The following PIP5K1A variants were observed in gnomAD, a reference collection of about 807,000 sequenced individuals.
PIP5K1A encodes the protein phosphatidylinositol-4-phosphate 5-kinase type 1 alpha, also known as phosphatidylinositol 4-phosphate 5-kinase type-1 alpha.
In PIP5K1A, 46 loss-of-function variants were observed where a neutral mutation model predicts 72.9. That is an observed-to-expected ratio of 0.63 (90% CI 0.50 to 0.81). The LOEUF (loss-of-function observed/expected upper bound fraction) is 0.81. Ranked by LOEUF, PIP5K1A falls within the 30% of genes least tolerant of loss-of-function variation. PIP5K1A has a pLI of 0.00. For missense variants in PIP5K1A, 458 were observed against 706.1 expected, an observed-to-expected ratio of 0.65 and a Z score of 3.98; for synonymous variants, 228 against 255.1, an observed-to-expected ratio of 0.89 and a Z score of 1.01.
chr1:151,222,916 T>C (rs1281535347), intron 1 of PIP5K1A, among the ~76,000 whole-genome samples: 1 of 152,194 alleles, frequency 6.6e-6, no homozygotes, highest in Non-Finnish European at 1.5e-5. Context: ...CTAACTTTGC[T>C]CTTGCGTCAC....
chr1:151,239,919 G>GTCT, intron 11 of PIP5K1A, 36 bp from the exon 12 acceptor site: 2 of 855,558 alleles, frequency 2.3e-6, no homozygotes, highest in East Asian at 2.6e-5. Flanking sequence ...CTCTTGCCGG[G>GTCT]CCTCCTAACT....
intron 1 of PIP5K1A, among the ~76,000 whole-genome samples, chr1:151,203,388 G>A (rs1283393030): frequency 6.6e-6 from 1 of 151,894 alleles, no homozygotes; most frequent in African/African-American, 2.4e-5. Context: ...AATTAGCCGG[G>A]TGTGGTGGCA....
At chr1:151,202,244 T>G (rs1279602732) in intron 1 of PIP5K1A, among the ~76,000 whole-genome samples, 1 of 152,200 alleles carries the variant, frequency 6.6e-6, no homozygotes, top group Non-Finnish European at 1.5e-5. Flanking sequence ...AACATTGTCC[T>G]TTAGGATTTC....
At chr1:151,210,424 C>T (rs1173400632) in intron 1 of PIP5K1A, among the ~76,000 whole-genome samples, 4 of 151,630 alleles carry the variant, frequency 2.6e-5, no homozygotes, top group South Asian at 2.1e-4. Context: ...TGGCCTAAAG[C>T]GATCCTCCTG....
At chr1:151,202,828 G>T (rs866035380) in intron 1 of PIP5K1A, among the ~76,000 whole-genome samples, 4 of 148,518 alleles carry the variant, frequency 2.7e-5, no homozygotes, top group Non-Finnish European at 6.0e-5. Context: ...GCTGGAGTGC[G>T]GTGGAGCAAT....
chr1:151,227,507 C>A, intron 4 of PIP5K1A, 107 bp downstream of exon 4: 2 of 647,056 alleles, frequency 3.1e-6, no homozygotes, highest in Non-Finnish European at 2.7e-6. Flanking sequence ...GTTTCTTGAT[C>A]TCCTAAGCTT....
chr1:151,200,791 G>A (rs896401317), intron 1 of PIP5K1A, among the ~76,000 whole-genome samples: 7 of 151,572 alleles, frequency 4.6e-5, no homozygotes. Flanking sequence ...GCATGAAATA[G>A]GATAAAGTAA....
chr1:151,213,051 C>T lies in PIP5K1A; in HGVS notation c.86-11194C>T, dbSNP rs1008223775. On this transcript the variant is annotated intron_variant, in intron 1 of 15. Coordinates refer to ENST00000368888, the MANE Select transcript of PIP5K1A (RefSeq NM_001135638.2). ...AACTACAGGCGCCCGCCACCACGCC[C>T]GGCTATTTTATTTTTTATTTTTAGT... Among the ~76,000 whole-genome samples the T allele has an allele frequency of 1.3e-4, 20 of 151,810 alleles. No homozygotes were observed. In the East Asian group the frequency reaches 2.3e-3, roughly 18 times the overall value.
At chr1:151,204,208 C>T (rs753528901) in intron 1 of PIP5K1A, among the ~76,000 whole-genome samples, 8 of 152,110 alleles carry the variant, frequency 5.3e-5, no homozygotes, top group Non-Finnish European at 1.0e-4. Flanking sequence ...TGGAGTTTCG[C>T]TCTTGTTGCC....
intron 10 of PIP5K1A, 97 bp downstream of exon 10, chr1:151,238,362 G>A: frequency 1.2e-6 from 1 of 820,214 alleles, no homozygotes; most frequent in Non-Finnish European, 2.1e-6. Context: ...TCTTCCGGAA[G>A]CAAGAACAGT....
chr1:151,239,276 C>CTTTTTTCT, intron 11 of PIP5K1A, 98 bp downstream of exon 11: 3 of 606,474 alleles, frequency 4.9e-6, no homozygotes, highest in South Asian at 2.1e-5. Context: ...TTTCTTTTTT[C>CTTTTTTCT]TTTTTTTTTT....
intron 1 of PIP5K1A, among the ~76,000 whole-genome samples, chr1:151,204,180 A>G (rs1423678183): frequency 6.6e-6 from 1 of 151,872 alleles, no homozygotes; most frequent in Non-Finnish European, 1.5e-5. Context: ...GTTGATATAT[A>G]TATATATTTT....
chr1:151,247,827 A>G (rs778616118), intron 15 of PIP5K1A, 36 bp from the exon 16 acceptor site: 4 of 1,568,652 alleles, frequency 2.5e-6, no homozygotes, highest in Non-Finnish European at 3.5e-6. Flanking sequence ...TTAATCTCAT[A>G]CTCCACATCC....
At position 151,198,906 on chromosome 1, in the gene PIP5K1A, T is replaced by C. The variant is rs193234971; in HGVS notation, c.-91T>C. ...GAGGTGGCCCACAGAACGCGGGTTC[T>C]GTAAAGAGACGTTGGGAAGATTCGA... On this transcript the variant is annotated 5_prime_UTR_variant, in exon 1 of 16. Transcript: ENST00000368888. The C allele has an allele frequency of 3.6e-5, 47 of 1,298,984 alleles. No individual in the cohort carries two copies. In the East Asian group the frequency reaches 1.1e-3, roughly 30 times the overall value. 80.5% of individuals were successfully genotyped at this position (1,298,984 alleles called of 1,614,324 possible).
chr1:151,247,806 TC>T, intron 15 of PIP5K1A, 56 bp from the exon 16 acceptor site: 1 of 1,440,596 alleles, frequency 6.9e-7, no homozygotes, highest in South Asian at 1.2e-5. Flanking sequence ...ACGCTTGAAT[TC>T]CATTTCTGCT....
Position 151,219,820 on chromosome 1 carries a change from A to G in PIP5K1A, c.86-4425A>G, listed in dbSNP as rs114682171. On this transcript the variant is annotated intron_variant, in intron 1 of 15. Coordinates refer to ENST00000368888, the MANE Select transcript of PIP5K1A (RefSeq NM_001135638.2). ...GGCATTCAAGACCAGCTTGGGGAAC[A>G]TGGCTAAACCCTGTCCTTACATATT... Among the ~76,000 whole-genome samples the G allele has an allele frequency of 4.5e-3, 656 of 146,450 alleles. 5 individuals carry two copies. The highest frequency in any genetic ancestry group is 0.016 in the African/African-American group (621 of 39,550).
At chr1:151,198,034 C>G (rs1684710251), upstream of PIP5K1A, 1 of 470,586 alleles carries the variant, frequency 2.1e-6, no homozygotes, top group Non-Finnish European at 4.4e-6. Context: ...CAAATATTTA[C>G]TGAACTCCGT....
intron 15 of PIP5K1A, among the ~76,000 whole-genome samples, chr1:151,247,348 T>A (rs991606255): frequency 3.9e-5 from 6 of 151,948 alleles, no homozygotes; most frequent in Non-Finnish European, 8.8e-5. Flanking sequence ...AGGCTGGTCT[T>A]GAACTCCTGA....
chr1:151,230,491 A>G (rs1558278424), intron 4 of PIP5K1A, among the ~76,000 whole-genome samples: 1 of 152,132 alleles, frequency 6.6e-6, no homozygotes, highest in Admixed American at 6.6e-5. Flanking sequence ...CTGCTCTCAG[A>G]AATAATTTGA....
Sources: gnomAD v4.1 joint callset for allele counts (sites outside exome capture counted in the v4.1 genomes callset) on GRCh38, gnomAD v4.1.1 for gene constraint, MANE v1.5 for transcripts, NCBI Gene and HGNC (gene_info 2026-07-23, HGNC 2026-07-21) for gene names.